Variants in NSD1 observed in about 807,000 individuals in gnomAD.
NSD1 encodes histone-lysine N-methyltransferase, H3 lysine-36 specific.
NSD1 carries 26 observed loss-of-function variants against 242.7 expected under a neutral mutation model. That is an observed-to-expected ratio of 0.11 (90% CI 0.08 to 0.15). NSD1 has a LOEUF of 0.15. NSD1 is among the 10% of genes least tolerant of loss of function. The pLI is 1.00. For missense variants in NSD1, 2,495 were observed against 3,272.8 expected (o/e 0.76, Z 5.80); for synonymous variants, 1,106 against 1,178.1 (o/e 0.94, Z 1.25).
At position 177,274,356 on chromosome 5, in the gene NSD1, A is replaced by C. The variant is rs532489355; in HGVS notation, c.5622+572A>C. On this transcript the variant is annotated intron_variant, in intron 17 of 22. Coordinates refer to ENST00000439151, the MANE Select transcript of NSD1 (RefSeq NM_022455.5). Reference sequence around the variant, plus strand: ...TGTCATTTATATGAATAATTGACAGACATAAAAATAAAGAGACAGTGGAGA... The same window carrying C: ...TGTCATTTATATGAATAATTGACAGCCATAAAAATAAAGAGACAGTGGAGA... Among the ~76,000 whole-genome samples, 3 of 152,330 alleles carry C rather than the reference A, an allele frequency of 2.0e-5. No homozygotes were observed. In the East Asian group the frequency reaches 5.8e-4, roughly 29 times the overall value.
chr5:177,258,215 G>C (rs1473117285), intron 13 of NSD1, among the ~76,000 whole-genome samples: 1 of 150,520 alleles, frequency 6.6e-6, no homozygotes, highest in African/African-American at 2.4e-5. Flanking sequence ...CCCGACCTCA[G>C]GTGATCTGCC....
At chr5:177,173,169 G>A (rs1759862235) in intron 2 of NSD1, among the ~76,000 whole-genome samples, 1 of 151,106 alleles carries the variant, frequency 6.6e-6, no homozygotes, top group Admixed American at 6.6e-5. Context: ...GCAGGTGCCT[G>A]TAGTCCCAGC....
intron 11 of NSD1, among the ~76,000 whole-genome samples, chr5:177,250,500 C>T (rs1047950598): frequency 3.2e-4 from 49 of 151,222 alleles, no homozygotes; most frequent in Middle Eastern, 3.4e-3. Context: ...TTAGTTAATG[C>T]AAAAACTTTA....
At chr5:177,291,655 A>G (rs1254549889) in intron 21 of NSD1, among the ~76,000 whole-genome samples, 1 of 152,206 alleles carries the variant, frequency 6.6e-6, no homozygotes, top group African/African-American at 2.4e-5. Flanking sequence ...TCCGTCTTGA[A>G]AAATAAATAA....
At chr5:177,168,684 C>T (rs559368480) in intron 2 of NSD1, among the ~76,000 whole-genome samples, 85 of 152,224 alleles carry the variant, frequency 5.6e-4, no homozygotes, top group African/African-American at 1.9e-3. Flanking sequence ...TGGTCTCGAA[C>T]TCCTGATCTC....
rs139024686 is a variant in NSD1 at position 177,224,318 on chromosome 5, T to G, written c.3797-11503T>G. Among the ~76,000 whole-genome samples, 932 of 152,230 alleles carry G rather than the reference T, an allele frequency of 6.1e-3. 11 individuals are homozygous for G. Among genetic ancestry groups the G allele is most frequent in the African/African-American group, 0.021 (872 of 41,546 alleles). On this transcript the variant is annotated intron_variant, in intron 5 of 22. Transcript: ENST00000439151. ...GAATAATAGATGACTTTTCATCCAA[T>G]TAGATTCGTCTTTCACTTCTTTCCA...
intron 12 of NSD1, among the ~76,000 whole-genome samples, chr5:177,255,989 A>G (rs546089910): frequency 2.0e-5 from 3 of 152,192 alleles, no homozygotes; most frequent in Non-Finnish European, 4.4e-5. Context: ...TTTTCTCCCT[A>G]TATTTCAAAA....
At chr5:177,233,722 G>A (rs1562240165) in intron 5 of NSD1, among the ~76,000 whole-genome samples, 1 of 151,994 alleles carries the variant, frequency 6.6e-6, no homozygotes, top group African/African-American at 2.4e-5. Flanking sequence ...ACATTTTATA[G>A]CAGTAGTTGG....
intron 17 of NSD1, among the ~76,000 whole-genome samples, 188 bp downstream of exon 17, chr5:177,273,972 G>A (rs573388045): frequency 2.6e-5 from 4 of 152,270 alleles, no homozygotes; most frequent in South Asian, 4.1e-4. Context: ...TTGGGAGGCC[G>A]AGGCGGGCGG....
rs186325469 is a variant in NSD1, at chr5:177,173,438, T to C, written c.928-18446T>C. On this transcript the variant is annotated intron_variant, in intron 2 of 22. Coordinates refer to ENST00000439151, the MANE Select transcript of NSD1 (RefSeq NM_022455.5). ...GTAATTTCGAGTGTATGTCTTACAT[T>C]GCAGAATCTAAAATATTTACTATCT... Among the ~76,000 whole-genome samples the C allele has an allele frequency of 2.6e-5, 4 of 151,148 alleles. No homozygotes were observed. In the East Asian group the frequency reaches 7.7e-4, roughly 29 times the overall value.
chr5:177,212,188 T>C lies in NSD1; in HGVS notation c.3789T>C (p.Pro1263=). Residue 1263 remains proline (P), a synonymous_variant, in exon 5 of 23, where the codon CCT becomes CCC. Coordinates refer to ENST00000439151, the MANE Select transcript of NSD1 (RefSeq NM_022455.5). ...GTTTGACACCACAGGCTGAGCTCCC[T>C]GAACCAGGTAAGGACATCTAAATGT... is the stretch of plus-strand genomic sequence containing the variant. The part of the protein sequence containing the change: ...IPSLTPQAEL[P]EPAVRSEKKR... The C allele has an allele frequency of 6.2e-7, 1 of 1,613,402 alleles. No individual in the cohort carries two copies. The highest frequency in any genetic ancestry group is 8.5e-7 in the Non-Finnish European group (1 of 1,179,924).
rs982189818 is a variant in NSD1, at chr5:177,204,124, C to T, written c.1068C>T (p.Ser356=). ...LINTHSKMKV[S]NRRPYRQYYV... Reference sequence around the variant, plus strand: ...GGTTCTCTTACCCTTACCTAGTTTCCAACCGGAGGCCCTATCGGCAGTACT... The same window carrying T: ...GGTTCTCTTACCCTTACCTAGTTTCTAACCGGAGGCCCTATCGGCAGTACT... Residue 356 remains serine (S), a synonymous_variant, in exon 4 of 23, where the codon TCC becomes TCT. Transcript: ENST00000439151. The T allele has an allele frequency of 1.9e-6, 3 of 1,613,720 alleles. No homozygotes were observed. In the African/African-American group the frequency reaches 4.0e-5, roughly 22 times the overall value.
chr5:177,280,811 C>T lies in NSD1; in HGVS notation c.5869C>T (p.Arg1957Trp), dbSNP rs587784161. The T allele has an allele frequency of 1.9e-6, 3 of 1,614,112 alleles. No homozygotes were observed. The highest frequency in any genetic ancestry group is 2.5e-6 in the Non-Finnish European group (3 of 1,180,022). The change falls in exon 18 of 23, where the codon CGG becomes TGG. Residue 1957 changes from arginine to tryptophan, a missense_variant. Arg to Trp is a moderately radical substitution (Grantham distance 101). Around this residue, in one of 19 missense-constraint regions of NSD1, gnomAD observed 114 missense variants for 247.4 expected, o/e 0.46. Coordinates refer to ENST00000439151, the MANE Select transcript of NSD1 (RefSeq NM_022455.5). The stretch of plus-strand genomic sequence containing the variant: ...CACATTACAGCGGGGTTGGGGTCTA[C>T]GGACAAAAACAGATATTAAAAAGGT... Reference protein sequence around the residue: ...FRTLQRGWGLRTKTDIKKGEF... With the variant: ...FRTLQRGWGLWTKTDIKKGEF...
Position 177,299,771 on chromosome 5 carries a change from C to G in NSD1, c.*4312C>G, listed in dbSNP as rs1410360297. 1 of 233,098 alleles carries G rather than the reference C, an allele frequency of 4.3e-6. No individual in the cohort carries two copies. Among genetic ancestry groups the G allele is most frequent in the Non-Finnish European group, 8.5e-6 (1 of 118,064 alleles). The allele number at this position is 233,098 out of a possible 1,614,324, so 14.4% of individuals were successfully genotyped here. ...AGGTCCTGGAAGTTCAGCAAAGTTTCGTGGACAAGACATGGGCACAGAGAG... is the reference window on the plus strand; with the variant it reads ...AGGTCCTGGAAGTTCAGCAAAGTTTGGTGGACAAGACATGGGCACAGAGAG... On this transcript the variant is annotated 3_prime_UTR_variant, in exon 23 of 23. Transcript: ENST00000439151.
At chr5:177,195,219 A>G (rs1762015763) in intron 3 of NSD1, among the ~76,000 whole-genome samples, 1 of 152,098 alleles carries the variant, frequency 6.6e-6, no homozygotes, top group African/African-American at 2.4e-5. Flanking sequence ...ACGGTAGCTC[A>G]TGCCTATAAT....
At chr5:177,185,854 A>C (rs1417119249) in intron 2 of NSD1, among the ~76,000 whole-genome samples, 4 of 87,340 alleles carry the variant, frequency 4.6e-5, no homozygotes, top group Non-Finnish European at 6.0e-5. Flanking sequence ...AATATATATT[A>C]TATATTATAT....
At chr5:177,243,968 C>G (rs1010764542) in intron 8 of NSD1, among the ~76,000 whole-genome samples, 10 of 152,142 alleles carry the variant, frequency 6.6e-5, no homozygotes, top group African/African-American at 2.4e-4. Flanking sequence ...GCTAGGATTA[C>G]AGGTGTGAGC....
intron 2 of NSD1, among the ~76,000 whole-genome samples, chr5:177,181,041 T>TC (rs1760625061): frequency 6.6e-6 from 1 of 151,142 alleles, no homozygotes; most frequent in African/African-American, 2.4e-5. Flanking sequence ...AAATGTGGTT[T>TC]CTTTTTTTTT....
At chr5:177,132,224 C>T (rs1755930271), upstream of NSD1, among the ~76,000 whole-genome samples, 2 of 151,970 alleles carry the variant, frequency 1.3e-5, no homozygotes, top group South Asian at 4.1e-4. The surrounding 1 kb of genome is among the most constrained non-coding windows in gnomAD (Gnocchi z 7.5). Context: ...ATGCCCGGCC[C>T]TCAGGGGCGA....
Sources: gnomAD v4.1 joint callset for allele counts (sites outside exome capture counted in the v4.1 genomes callset) on GRCh38, gnomAD v4.1.1 for gene constraint, gnomAD v4.1.1 regional missense constraint, Gnocchi (gnomAD v3.1) non-coding constraint, MANE v1.5 for transcripts, NCBI Gene and HGNC (gene_info 2026-07-23, HGNC 2026-07-21) for gene names.